Variants in ADK observed in about 807,000 individuals in gnomAD.
The protein encoded by ADK is adenosine kinase, also known as N6,N6-dimethyladenosine kinase.
A neutral mutation model predicts 44.7 loss-of-function variants in ADK; 24 were observed. That is an observed-to-expected ratio of 0.54 (90% CI 0.39 to 0.76). The LOEUF (loss-of-function observed/expected upper bound fraction) is 0.76, where lower values mean the gene tolerates loss of function less well. ADK is among the 30% of genes least tolerant of loss of function. The probability of loss-of-function intolerance (pLI) is 0.00; values close to 1 mark genes in which losing one functional copy is unlikely to be tolerated. For missense variants in ADK, 321 were observed against 425.1 expected (o/e 0.76, Z 2.15); for synonymous variants, 128 against 142.6 (o/e 0.90, Z 0.73).
At chr10:74,660,946 C>T (rs373050059) in intron 9 of ADK, among the ~76,000 whole-genome samples, 1 of 151,728 alleles carries the variant, frequency 6.6e-6, no homozygotes, top group Non-Finnish European at 1.5e-5. Flanking sequence ...GCAGAAGAAT[C>T]GCTTGAACTC....
intron 4 of ADK, 91 bp from the exon 5 acceptor site, chr10:74,394,050 C>A: frequency 1.6e-6 from 2 of 1,281,508 alleles, no homozygotes; most frequent in Non-Finnish European, 2.3e-6. Context: ...TCTCACAAAG[C>A]ATTCTTGTCA....
intron 10 of ADK, among the ~76,000 whole-genome samples, chr10:74,685,759 A>C (rs1855762840): frequency 1.3e-5 from 2 of 152,290 alleles, no homozygotes; most frequent in African/African-American, 4.8e-5. Context: ...ACAGCATGTG[A>C]GAGAGCTCGT....
chr10:74,174,817 A>C lies in ADK; in HGVS notation c.65+23474A>C, dbSNP rs113178609. ...ACTGAACACATCAGTTTTATAGACCATGGCTTCATTCTGGATAGGCATTTC... is the reference window on the plus strand; with the variant it reads ...ACTGAACACATCAGTTTTATAGACCCTGGCTTCATTCTGGATAGGCATTTC... On this transcript the variant is annotated intron_variant, in intron 1 of 10. Coordinates refer to ENST00000539909, the MANE Select transcript of ADK (RefSeq NM_006721.4). 1.1e-4 allele frequency among the ~76,000 whole-genome samples: 16 copies of C among 152,366 alleles called. 1 individual carries two copies. The highest frequency in any genetic ancestry group is 3.6e-4 in the African/African-American group (15 of 41,592).
intron 1 of ADK, 28 bp downstream of exon 1, chr10:74,151,371 G>T: frequency 6.5e-7 from 1 of 1,549,212 alleles, no homozygotes; most frequent in South Asian, 1.2e-5. Flanking sequence ...TGGGGAGGAG[G>T]GTGACGGCGC....
At chr10:74,263,404 T>C (rs1260964509) in intron 3 of ADK, among the ~76,000 whole-genome samples, 1 of 152,192 alleles carries the variant, frequency 6.6e-6, no homozygotes, top group Non-Finnish European at 1.5e-5. Context: ...AACTTGCTAG[T>C]GATGTTCTAC....
At position 74,316,239 on chromosome 10, in the gene ADK, C is replaced by CA. The variant is rs1187138721; in HGVS notation, c.273+1506dup. ...TGGGCAACAGAGTGAGACTCCATCT[C>CA]AAAAAAAAAAAAGAGAGAAAAAAAG... On this transcript the variant is annotated intron_variant, in intron 4 of 10. Coordinates refer to ENST00000539909, the MANE Select transcript of ADK (RefSeq NM_006721.4). Among the ~76,000 whole-genome samples, 1,299 of 131,602 alleles carry CA rather than the reference C, an allele frequency of 9.9e-3. 10 individuals carry two copies. Among genetic ancestry groups the CA allele is most frequent in the African/African-American group, 0.029 (1,025 of 35,432 alleles). 86.3% of individuals were successfully genotyped at this position (131,602 alleles called of 152,430 possible).
At chr10:74,401,930 G>C (rs1843729529) in intron 6 of ADK, among the ~76,000 whole-genome samples, 1 of 152,150 alleles carries the variant, frequency 6.6e-6, no homozygotes, top group South Asian at 2.1e-4. Context: ...TGTAAGGCAG[G>C]CCTGGTGGTG....
At chr10:74,207,591 C>T (rs978424282) in intron 2 of ADK, among the ~76,000 whole-genome samples, 4 of 152,154 alleles carry the variant, frequency 2.6e-5, no homozygotes, top group Admixed American at 6.5e-5. Flanking sequence ...GATGAGACCC[C>T]GAGGGGGTAA....
At chr10:74,523,346 A>G (rs1848914608) in intron 6 of ADK, among the ~76,000 whole-genome samples, 1 of 152,176 alleles carries the variant, frequency 6.6e-6, no homozygotes, top group African/African-American at 2.4e-5. Context: ...CTTTCTGTTA[A>G]TCATCAAATC....
chr10:74,544,953 C>G (rs1015889883), intron 7 of ADK, among the ~76,000 whole-genome samples: 1 of 149,026 alleles, frequency 6.7e-6, no homozygotes, highest in Non-Finnish European at 1.5e-5. Flanking sequence ...AATAAACTTT[C>G]AATTCTCTTC....
At chr10:74,285,969 A>G (rs1245109876) in intron 3 of ADK, among the ~76,000 whole-genome samples, 3 of 152,172 alleles carry the variant, frequency 2.0e-5, no homozygotes, top group Non-Finnish European at 4.4e-5. Flanking sequence ...TATTCTTAAG[A>G]TCATATCCTT....
intron 3 of ADK, among the ~76,000 whole-genome samples, chr10:74,298,299 A>AT (rs1384722512): frequency 6.6e-6 from 1 of 152,238 alleles, no homozygotes; most frequent in Non-Finnish European, 1.5e-5. Flanking sequence ...TGGACTTAAT[A>AT]TAAGATTTTG....
intron 6 of ADK, among the ~76,000 whole-genome samples, chr10:74,494,616 T>A (rs1847613381): frequency 6.6e-6 from 1 of 152,182 alleles, no homozygotes; most frequent in Admixed American, 6.5e-5. Flanking sequence ...AAGGTAATTA[T>A]AAATCATGTG....
rs534807276 is a variant in ADK, at chr10:74,404,531, C to T, written c.555+5952C>T. Among the ~76,000 whole-genome samples the T allele has an allele frequency of 2.6e-5, 4 of 152,258 alleles. No individual in the cohort carries two copies. The East Asian group carries it at 7.7e-4, about 29-fold the overall frequency. Reference sequence around the variant, plus strand: ...TTATTTCACCTTCATTTTTGAAAGACATTTGTGCCAGATATATAGTTCTAG... The same window carrying T: ...TTATTTCACCTTCATTTTTGAAAGATATTTGTGCCAGATATATAGTTCTAG... On this transcript the variant is annotated intron_variant, in intron 6 of 10. Transcript: ENST00000539909.
At chr10:74,379,731 C>A (rs1448125008) in intron 4 of ADK, among the ~76,000 whole-genome samples, 4 of 152,118 alleles carry the variant, frequency 2.6e-5, no homozygotes, top group Non-Finnish European at 4.4e-5. Context: ...TTTAAATGTC[C>A]TTTTGTCTAT....
chr10:74,201,557 T>C (rs1157679961), intron 2 of ADK, among the ~76,000 whole-genome samples: 1 of 152,180 alleles, frequency 6.6e-6, no homozygotes, highest in Non-Finnish European at 1.5e-5. Context: ...TTATTGTGCC[T>C]AATTTATAAA....
At chr10:74,568,950 C>T (rs1239168747) in intron 7 of ADK, among the ~76,000 whole-genome samples, 9 of 148,726 alleles carry the variant, frequency 6.1e-5, no homozygotes, top group East Asian at 2.0e-4. Context: ...CAACAGGCCC[C>T]GGTGTGTGAT....
chr10:74,655,296 GA>G, intron 9 of ADK: 2 of 466,658 alleles, frequency 4.3e-6, no homozygotes, highest in Non-Finnish European at 7.9e-6. Flanking sequence ...GGGCCCAGCT[GA>G]AATGATGAAG....
chr10:74,695,413 C>T (rs965724701), intron 10 of ADK, among the ~76,000 whole-genome samples: 9 of 151,958 alleles, frequency 5.9e-5, no homozygotes, highest in African/African-American at 1.9e-4. Flanking sequence ...GCATAACTTG[C>T]ATCGCTTTTG....
Sources: gnomAD v4.1 joint callset for allele counts (sites outside exome capture counted in the v4.1 genomes callset) on GRCh38, gnomAD v4.1.1 for gene constraint, MANE v1.5 for transcripts, NCBI Gene and HGNC (gene_info 2026-07-23, HGNC 2026-07-21) for gene names.